EYS: variants seen among roughly 807,000 people sequenced by gnomAD.
EYS encodes the protein protein eyes shut homolog.
A neutral mutation model predicts 282.1 loss-of-function variants in EYS; 250 were observed. The ratio of observed to expected loss-of-function variants is 0.89; its 90% CI spans 0.80 to 0.98. The LOEUF (loss-of-function observed/expected upper bound fraction) is 0.98. Ranked by LOEUF, EYS falls within the 50% of genes least tolerant of loss-of-function variation. The pLI is 0.00. For synonymous variants in EYS, 1,355 were observed against 1,282.9 expected (o/e 1.06, Z -1.20); for missense variants, 4,016 against 3,709.0 (o/e 1.08, Z -2.15).
Position 65,083,097 on chromosome 6 carries a change from C to A in EYS, c.2024-25370G>T, listed in dbSNP as rs551418278. On this transcript the variant is annotated intron_variant, in intron 12 of 42. Coordinates refer to ENST00000503581, the MANE Select transcript of EYS (RefSeq NM_001142800.2). ...CACATTGTTTAGAGTAGTTTCCCTC[C>A]TGAGAAAAAAACAAAGTTGGTGACA... is the stretch of plus-strand genomic sequence containing the variant. Among the ~76,000 whole-genome samples the A allele has an allele frequency of 7.1e-4, 108 of 151,978 alleles. 2 individuals are homozygous for A. Among genetic ancestry groups the A allele is most frequent in the Middle Eastern group, 6.8e-3 (2 of 294 alleles).
At chr6:65,132,850 C>A (rs530471880) in intron 12 of EYS, among the ~76,000 whole-genome samples, 1 of 151,998 alleles carries the variant, frequency 6.6e-6, no homozygotes, top group African/African-American at 2.4e-5. Context: ...AGCTAATAAA[C>A]AACCTCAGTG....
chr6:65,231,194 T>C (rs923248415), intron 12 of EYS, among the ~76,000 whole-genome samples: 1 of 137,866 alleles, frequency 7.3e-6, no homozygotes, highest in African/African-American at 2.6e-5. Flanking sequence ...AAAGAAAATA[T>C]ATATATATTT....
chr6:65,297,961 T>C (rs1189302902), intron 11 of EYS, among the ~76,000 whole-genome samples: 3 of 152,072 alleles, frequency 2.0e-5, no homozygotes, highest in Non-Finnish European at 2.9e-5. Context: ...CGGGGCCCTA[T>C]GTATAATGCC....
intron 12 of EYS, among the ~76,000 whole-genome samples, chr6:65,245,703 A>G (rs1332944391): frequency 2.0e-5 from 3 of 152,008 alleles, no homozygotes; most frequent in African/African-American, 7.2e-5. Flanking sequence ...AAAGTAAAAA[A>G]AAAAATTGAG....
intron 36 of EYS, chr6:63,857,568 G>A: frequency 3.4e-6 from 1 of 296,780 alleles, no homozygotes; most frequent in Non-Finnish European, 6.9e-6. Flanking sequence ...AACTTTAAGT[G>A]TATGTTTCCT....
At chr6:64,760,759 G>T (rs1225675912) in intron 22 of EYS, among the ~76,000 whole-genome samples, 1 of 152,180 alleles carries the variant, frequency 6.6e-6, no homozygotes, top group Non-Finnish European at 1.5e-5. Context: ...GCATTCATAA[G>T]GCCAAGAGAG....
At chr6:63,758,724 G>A (rs923539503) in intron 41 of EYS, among the ~76,000 whole-genome samples, 5 of 152,014 alleles carry the variant, frequency 3.3e-5, no homozygotes, top group Admixed American at 6.6e-5. Context: ...TGGAGGAAAC[G>A]AAATAATGAG....
In EYS at chr6:63,721,639, C is replaced by G; in HGVS notation, c.8392G>C (p.Asp2798His). ...AGRVGAEGYLDLDGINVTEKA... is the reference protein window; with the variant it reads ...AGRVGAEGYLHLDGINVTEKA... The stretch of plus-strand genomic sequence containing the variant: ...TCTGTTACATTTATCCCATCTAGAT[C>G]CAGGTAGCCTTCTGCACCAACTCTT... The change falls in exon 43 of 43, where the codon GAT becomes CAT. Residue 2798 changes from aspartate (D) to histidine (H), a missense_variant. By Grantham distance (81) the Asp-to-His change is moderately conservative. Transcript: ENST00000503581. 6.4e-7 allele frequency: 1 copy of G among 1,551,294 alleles called. No homozygotes were observed. Among genetic ancestry groups the G allele is most frequent in the Non-Finnish European group, 8.7e-7 (1 of 1,146,626 alleles).
At chr6:63,750,737 G>A (rs1216649536) in intron 41 of EYS, among the ~76,000 whole-genome samples, 5 of 152,164 alleles carry the variant, frequency 3.3e-5, no homozygotes, top group African/African-American at 7.2e-5. Flanking sequence ...GACAAATGCC[G>A]CAGATTTTCC....
Position 64,754,775 on chromosome 6 carries a change from C to T in EYS, c.3443+58603G>A, listed in dbSNP as rs1033979847. On this transcript the variant is annotated intron_variant, in intron 22 of 42. Transcript: ENST00000503581. The stretch of plus-strand genomic sequence containing the variant: ...CTTTATGATTAAAAACCCTCAACAA[C>T]TAAGCTTGAAGTAAGCTATCTCAAA... 2.0e-5 allele frequency among the ~76,000 whole-genome samples: 3 copies of T among 152,184 alleles called. No homozygotes were observed. The South Asian group carries it at 6.2e-4, about 32-fold the overall frequency.
chr6:64,406,904 T>G (rs1773730937), intron 28 of EYS, among the ~76,000 whole-genome samples: 1 of 152,058 alleles, frequency 6.6e-6, no homozygotes, highest in South Asian at 2.1e-4. Flanking sequence ...GGCGATTCCT[T>G]AAGGATCTAG....
intron 28 of EYS, among the ~76,000 whole-genome samples, chr6:64,418,131 C>T (rs1386918878): frequency 6.6e-6 from 1 of 151,954 alleles, no homozygotes; most frequent in Admixed American, 6.6e-5. Flanking sequence ...AGTTCCCTAC[C>T]CAACTCTTCC....
At chr6:65,148,358 C>T (rs1214654442) in intron 12 of EYS, among the ~76,000 whole-genome samples, 1 of 152,092 alleles carries the variant, frequency 6.6e-6, no homozygotes, top group African/African-American at 2.4e-5. Flanking sequence ...GGGCTACAGG[C>T]CCCATGCAAT....
At chr6:65,140,952 G>T (rs1764321928) in intron 12 of EYS, among the ~76,000 whole-genome samples, 1 of 151,128 alleles carries the variant, frequency 6.6e-6, no homozygotes, top group Admixed American at 6.6e-5. Context: ...CAGGGATCTA[G>T]AACTAGAAAT....
In EYS at chr6:65,141,649, G is replaced by GTCTGTCTATCTA. The variant is rs1216509536; in HGVS notation, c.2024-83923_2024-83922insTAGATAGACAGA. Among the ~76,000 whole-genome samples the GTCTGTCTATCTA allele has an allele frequency of 1.9e-3, 253 of 131,314 alleles. 2 individuals carry two copies. The highest frequency in any genetic ancestry group is 7.7e-3 in the African/African-American group (238 of 30,900). The allele number at this position is 131,314 out of a possible 152,430, so 86.1% of individuals were successfully genotyped here. ...AGTCAGTCTGTCTGTCTGTCTGTCT[G>GTCTGTCTATCTA]TCTATCTATCTATCTATCTATCTAT... On this transcript the variant is annotated intron_variant, in intron 12 of 42. Coordinates refer to ENST00000503581, the MANE Select transcript of EYS (RefSeq NM_001142800.2).
At chr6:64,891,121 C>A (rs991833358) in intron 18 of EYS, among the ~76,000 whole-genome samples, 1 of 151,520 alleles carries the variant, frequency 6.6e-6, no homozygotes, top group Non-Finnish European at 1.5e-5. Context: ...ATTCTAGAGT[C>A]CATTTGGACA....
At chr6:65,074,733 T>C (rs1395314354) in intron 12 of EYS, among the ~76,000 whole-genome samples, 4 of 151,890 alleles carry the variant, frequency 2.6e-5, no homozygotes, top group Admixed American at 6.6e-5. Context: ...AAGTAACATT[T>C]TGAAGAAAGT....
chr6:65,239,979 T>TG (rs1023620293), intron 12 of EYS, among the ~76,000 whole-genome samples: 6 of 152,038 alleles, frequency 3.9e-5, no homozygotes, highest in Admixed American at 3.9e-4. Context: ...TTGATTTTTT[T>TG]TTTTTTTGAG....
intron 31 of EYS, among the ~76,000 whole-genome samples, chr6:64,177,156 A>C (rs1764661483): frequency 6.6e-6 from 1 of 151,682 alleles, no homozygotes. Context: ...ATAATTATCA[A>C]AGTTACTCTA....
Sources: allele counts gnomAD v4.1 joint callset (sites outside exome capture counted in the v4.1 genomes callset), GRCh38; gene constraint gnomAD v4.1.1; transcripts MANE v1.5; gene names NCBI Gene and HGNC (gene_info 2026-07-23, HGNC 2026-07-21).